The following RBFOX1 variants were observed in gnomAD, a reference collection of about 807,000 sequenced individuals.
The protein encoded by RBFOX1 is RNA binding fox-1 homolog 1.
RBFOX1 carries 8 observed loss-of-function variants against 57.7 expected under a neutral mutation model. The observed-to-expected ratio is 0.14, with a 90% confidence interval of 0.08 to 0.25. RBFOX1 has a LOEUF of 0.25. RBFOX1 is among the 10% of genes least tolerant of loss of function. The pLI, the probability that RBFOX1 is intolerant of heterozygous loss-of-function variation, is 1.00. For missense variants in RBFOX1, 611 were observed against 548.5 expected (o/e 1.11, Z -1.14); for synonymous variants, 326 against 222.4 (o/e 1.47, Z -4.15).
At chr16:6,626,144 T>TC (rs2098302447) in intron 2 of RBFOX1, among the ~76,000 whole-genome samples, 1 of 152,068 alleles carries the variant, frequency 6.6e-6, no homozygotes. Flanking sequence ...TGCAGGTTTT[T>TC]TTTTTTTTTT....
intron 1 of RBFOX1, among the ~76,000 whole-genome samples, chr16:5,426,897 A>G (rs926361402): frequency 3.3e-5 from 5 of 152,194 alleles, no homozygotes; most frequent in African/African-American, 7.2e-5. Flanking sequence ...TTTACAGGTG[A>G]GAAAATTGGA....
chr16:6,106,472 T>TAAAAA (rs113891633), intron 1 of RBFOX1, among the ~76,000 whole-genome samples: 2 of 131,456 alleles, frequency 1.5e-5, no homozygotes, highest in African/African-American at 5.8e-5. Flanking sequence ...GTCTCAAAAA[T>TAAAAA]AAAAAAAAAA....
intron 3 of RBFOX1, among the ~76,000 whole-genome samples, chr16:6,698,374 C>G (rs898194913): frequency 6.6e-6 from 1 of 152,110 alleles, no homozygotes; most frequent in Non-Finnish European, 1.5e-5. Flanking sequence ...TTTAAGAGAA[C>G]ACAATGGATG....
At chr16:7,236,658 T>C (rs1191225279) in intron 4 of RBFOX1, among the ~76,000 whole-genome samples, 2 of 152,210 alleles carry the variant, frequency 1.3e-5, no homozygotes, top group Non-Finnish European at 2.9e-5. Context: ...CTTTTAGTAG[T>C]TGTTTGCAGA....
At chr16:7,471,673 A>T (rs2061576668) in intron 4 of RBFOX1, among the ~76,000 whole-genome samples, 1 of 152,244 alleles carries the variant, frequency 6.6e-6, no homozygotes, top group Admixed American at 6.5e-5. Context: ...GAGAATCCAG[A>T]GATGTTGAAC....
intron 3 of RBFOX1, among the ~76,000 whole-genome samples, chr16:6,863,719 C>G (rs1273507822): frequency 1.4e-5 from 1 of 71,872 alleles, no homozygotes; most frequent in Non-Finnish European, 2.7e-5. Context: ...AAATTGGATG[C>G]CTGCGCTTTT....
At chr16:6,650,198 G>T (rs2098573040) in intron 2 of RBFOX1, among the ~76,000 whole-genome samples, 1 of 152,168 alleles carries the variant, frequency 6.6e-6, no homozygotes, top group African/African-American at 2.4e-5. Context: ...AGCTGATGCT[G>T]CTGGTTGGAG....
intron 3 of RBFOX1, among the ~76,000 whole-genome samples, chr16:6,853,110 C>G (rs972792587): frequency 6.6e-6 from 1 of 152,170 alleles, no homozygotes; most frequent in Non-Finnish European, 1.5e-5. Flanking sequence ...TCCATATATA[C>G]TACCTAATGA....
At chr16:6,565,358 G>C (rs1365687600) in intron 2 of RBFOX1, among the ~76,000 whole-genome samples, 3 of 151,862 alleles carry the variant, frequency 2.0e-5, no homozygotes, top group East Asian at 1.9e-4. Context: ...CCAGATTCAA[G>C]CTGATTCTCC....
chr16:5,277,807 A>G (rs1229823607), intron 1 of RBFOX1, among the ~76,000 whole-genome samples: 1 of 152,160 alleles, frequency 6.6e-6, no homozygotes, highest in East Asian at 1.9e-4. Flanking sequence ...AGTTCCATCC[A>G]TTTAGCTGAA....
At chr16:6,000,130 C>T (rs925445278) in intron 4 of RBFOX1, among the ~76,000 whole-genome samples, 5 of 152,082 alleles carry the variant, frequency 3.3e-5, no homozygotes, top group African/African-American at 9.6e-5. Context: ...TCATAGGACA[C>T]GTTCACTCAG....
chr16:7,265,210 A>G (rs2095081423), intron 4 of RBFOX1, among the ~76,000 whole-genome samples: 2 of 152,102 alleles, frequency 1.3e-5, no homozygotes, highest in Admixed American at 1.3e-4. Context: ...GGCTTAGACA[A>G]CAGAAATCTT....
intron 2 of RBFOX1, among the ~76,000 whole-genome samples, chr16:6,323,710 A>G (rs993873876): frequency 2.6e-5 from 4 of 152,062 alleles, no homozygotes; most frequent in African/African-American, 9.7e-5. Context: ...TTCAATTTGC[A>G]TAAATTTAGA....
chr16:6,484,318 C>A (rs1298395006), intron 2 of RBFOX1, among the ~76,000 whole-genome samples: 2 of 152,156 alleles, frequency 1.3e-5, no homozygotes, highest in Non-Finnish European at 2.9e-5. Flanking sequence ...AGCATATGCG[C>A]TGCATATCTG....
chr16:5,378,562 C>T (rs945577696), intron 1 of RBFOX1, among the ~76,000 whole-genome samples: 5 of 151,458 alleles, frequency 3.3e-5, no homozygotes, highest in Non-Finnish European at 7.4e-5. Flanking sequence ...AGCAAGTTGT[C>T]CCAGTTATAC....
intron 2 of RBFOX1, among the ~76,000 whole-genome samples, chr16:5,512,154 T>G (rs768459124): frequency 6.6e-6 from 1 of 152,184 alleles, no homozygotes; most frequent in Admixed American, 6.5e-5. Context: ...GATAAAATGA[T>G]GGATGTGGGC....
chr16:7,560,417 G>C (rs1201250409), intron 5 of RBFOX1, among the ~76,000 whole-genome samples: 2 of 127,374 alleles, frequency 1.6e-5, no homozygotes, highest in Non-Finnish European at 3.4e-5. Flanking sequence ...AGGTGGGCTT[G>C]AATTCAAGTC....
At chr16:6,680,959 A>G (rs567807226) in intron 3 of RBFOX1, among the ~76,000 whole-genome samples, 2 of 152,246 alleles carry the variant, frequency 1.3e-5, no homozygotes, top group Admixed American at 6.5e-5. Context: ...GGGCCTGAGT[A>G]ACTTTTAACA....
intron 4 of RBFOX1, among the ~76,000 whole-genome samples, chr16:7,117,691 T>C (rs1223136687): frequency 1.3e-5 from 2 of 152,192 alleles, no homozygotes; most frequent in African/African-American, 4.8e-5. Context: ...ACAACACTCT[T>C]TTGTTATCTA....
Sources: gnomAD v4.1 joint callset for allele counts (sites outside exome capture counted in the v4.1 genomes callset) on GRCh38, gnomAD v4.1.1 for gene constraint, MANE v1.5 for transcripts, NCBI Gene and HGNC (gene_info 2026-07-23, HGNC 2026-07-21) for gene names.